PDE4D: variants seen among roughly 807,000 people sequenced by gnomAD.
PDE4D encodes 3',5'-cyclic-AMP phosphodiesterase 4D.
A neutral mutation model predicts 87.4 loss-of-function variants in PDE4D; 24 were observed. The ratio of observed to expected loss-of-function variants is 0.27; its 90% CI spans 0.20 to 0.39. The LOEUF (loss-of-function observed/expected upper bound fraction) is 0.39. Ranked by LOEUF, PDE4D falls within the 10% of genes least tolerant of loss-of-function variation. The probability of loss-of-function intolerance (pLI) is 1.00; values close to 1 mark genes in which losing one functional copy is unlikely to be tolerated. For missense variants in PDE4D, 714 were observed against 1,041.0 expected (o/e 0.69, Z 4.32); for synonymous variants, 384 against 383.2 (o/e 1.00, Z -0.02).
At chr5:59,465,020 AT>A (rs1303835411) in intron 1 of PDE4D, among the ~76,000 whole-genome samples, 1 of 152,162 alleles carries the variant, frequency 6.6e-6, no homozygotes, top group Non-Finnish European at 1.5e-5. Flanking sequence ...AATCACACAC[AT>A]CCATTAAGCT....
At chr5:59,536,205 T>A (rs1326009738) in intron 1 of PDE4D, among the ~76,000 whole-genome samples, 2 of 151,856 alleles carry the variant, frequency 1.3e-5, no homozygotes, top group Admixed American at 1.3e-4. Flanking sequence ...ATCTGGAAAA[T>A]TTAAAAAATT....
chr5:59,703,910 T>C (rs911200206), intron 1 of PDE4D, among the ~76,000 whole-genome samples: 2 of 151,956 alleles, frequency 1.3e-5, no homozygotes, highest in Admixed American at 6.6e-5. Context: ...ATGGCTCTGA[T>C]GCAAAGCTGG....
At position 59,401,478 on chromosome 5, in the gene PDE4D, A is replaced by ATCTATCTATCTATCTATCTGTCTGTCTG. The variant is rs1554161243; in HGVS notation, c.456-185511_456-185510insCAGACAGACAGATAGATAGATAGATAGA. 1.2e-3 allele frequency among the ~76,000 whole-genome samples: 188 copies of ATCTATCTATCTATCTATCTGTCTGTCTG among 150,984 alleles called. 1 individual carries two copies. Among genetic ancestry groups the ATCTATCTATCTATCTATCTGTCTGTCTG allele is most frequent in the African/African-American group, 2.5e-3 (101 of 40,954 alleles). ...TATCTATCTATCTATCTATCTATCT[A>ATCTATCTATCTATCTATCTGTCTGTCTG]TCTATCTATTTTGATCCCATGGGGG... On this transcript the variant is annotated intron_variant, in intron 1 of 14. Coordinates refer to ENST00000340635, the MANE Select transcript of PDE4D (RefSeq NM_001104631.2).
chr5:60,240,267 C>T (rs1746935336), intron 1 of PDE4D, among the ~76,000 whole-genome samples: 1 of 152,058 alleles, frequency 6.6e-6, no homozygotes, highest in Non-Finnish European at 1.5e-5. Flanking sequence ...GATTGTCCCC[C>T]CACCCCACAG....
intron 5 of PDE4D, among the ~76,000 whole-genome samples, chr5:59,086,866 T>A (rs1767791114): frequency 1.3e-5 from 2 of 152,164 alleles, no homozygotes; most frequent in Non-Finnish European, 2.9e-5. Flanking sequence ...ACTCCCTTAG[T>A]TCAAGCCCTC....
chr5:60,012,645 A>G (rs976179761), intron 2 of PDE4D, among the ~76,000 whole-genome samples: 1 of 152,214 alleles, frequency 6.6e-6, no homozygotes, highest in African/African-American at 2.4e-5. Flanking sequence ...CAGAGATAGC[A>G]TCATTTTTTT....
rs138076762 is a variant in PDE4D at position 59,817,173 on chromosome 5, G to A, written c.455+75995C>T. ...TCCCAGCTGACGGAAACGTGAATGT[G>A]CTCAGTAGCTAAAGGTGGCTCAGGA... On this transcript the variant is annotated intron_variant, in intron 1 of 14. Coordinates refer to ENST00000340635, the MANE Select transcript of PDE4D (RefSeq NM_001104631.2). Among the ~76,000 whole-genome samples, 13 of 152,344 alleles carry A rather than the reference G, an allele frequency of 8.5e-5. No homozygotes were observed. The East Asian group carries it at 2.3e-3, about 27-fold the overall frequency.
intron 1 of PDE4D, among the ~76,000 whole-genome samples, chr5:59,560,245 A>G (rs1819734201): frequency 6.6e-6 from 1 of 152,252 alleles, no homozygotes; most frequent in Admixed American, 6.5e-5. Context: ...ATATATTCCT[A>G]GTGATAAAAC....
intron 5 of PDE4D, among the ~76,000 whole-genome samples, chr5:59,102,958 A>G (rs1771014457): frequency 6.6e-6 from 1 of 152,204 alleles, no homozygotes; most frequent in Non-Finnish European, 1.5e-5. Context: ...AACCCAATGC[A>G]GGAAAGCCCT....
chr5:60,436,195 A>G (rs774081108), intron 1 of PDE4D, among the ~76,000 whole-genome samples: 5 of 152,090 alleles, frequency 3.3e-5, no homozygotes, highest in East Asian at 1.9e-4. Flanking sequence ...GGGAATGACA[A>G]CAATCATCCA....
At chr5:60,203,066 A>G (rs886178694) in intron 1 of PDE4D, among the ~76,000 whole-genome samples, 3 of 152,170 alleles carry the variant, frequency 2.0e-5, no homozygotes, top group Non-Finnish European at 4.4e-5. Context: ...TCTGCCTCCC[A>G]GGTTCAAGTG....
intron 1 of PDE4D, among the ~76,000 whole-genome samples, chr5:59,440,421 T>C (rs958402039): frequency 1.3e-5 from 2 of 152,220 alleles, no homozygotes; most frequent in African/African-American, 4.8e-5. Context: ...TCACTACTGA[T>C]AACAATTACA....
chr5:59,477,353 T>TAAAAAAAAAA (rs35047246), intron 1 of PDE4D, among the ~76,000 whole-genome samples: 1 of 88,286 alleles, frequency 1.1e-5, no homozygotes. Flanking sequence ...TAGAGTATAA[T>TAAAAAAAAAA]AAAAAAAAAA....
intron 1 of PDE4D, among the ~76,000 whole-genome samples, chr5:59,707,795 C>G (rs570388219): frequency 6.6e-6 from 1 of 152,060 alleles, no homozygotes; most frequent in Non-Finnish European, 1.5e-5. Context: ...TATCTCATTC[C>G]TTTTTATGGC....
chr5:59,051,800 T>C (rs1350895569), intron 5 of PDE4D, among the ~76,000 whole-genome samples: 1 of 152,254 alleles, frequency 6.6e-6, no homozygotes, highest in Non-Finnish European at 1.5e-5. Flanking sequence ...ATATGTCAGG[T>C]AACTCCAAAA....
At chr5:59,561,839 G>A (rs1351747688) in intron 1 of PDE4D, among the ~76,000 whole-genome samples, 6 of 151,974 alleles carry the variant, frequency 3.9e-5, no homozygotes, top group Non-Finnish European at 5.9e-5. Flanking sequence ...GGCTGAGGCC[G>A]GAGAATTGCT....
intron 1 of PDE4D, among the ~76,000 whole-genome samples, chr5:59,590,272 T>C (rs566017740): frequency 1.3e-5 from 2 of 152,304 alleles, no homozygotes; most frequent in African/African-American, 4.8e-5. Flanking sequence ...GCAGAACTAA[T>C]AGGTTTGTAA....
At chr5:59,632,139 G>A (rs1356124977) in intron 1 of PDE4D, among the ~76,000 whole-genome samples, 1 of 152,162 alleles carries the variant, frequency 6.6e-6, no homozygotes, top group Non-Finnish European at 1.5e-5. Context: ...AGTTCAAACT[G>A]GGCAGAGCCC....
intron 6 of PDE4D, among the ~76,000 whole-genome samples, chr5:59,020,761 T>C (rs1317455242): frequency 1.3e-5 from 2 of 151,304 alleles, no homozygotes; most frequent in African/African-American, 4.9e-5. Flanking sequence ...AAGTGGAAAA[T>C]GGAAGAAGAA....
Sources: allele counts gnomAD v4.1 joint callset (sites outside exome capture counted in the v4.1 genomes callset), GRCh38; gene constraint gnomAD v4.1.1; transcripts MANE v1.5; gene names NCBI Gene and HGNC (gene_info 2026-07-23, HGNC 2026-07-21).